Variants in PREX1 observed in about 807,000 individuals in gnomAD.
PREX1 encodes phosphatidylinositol-3,4,5-trisphosphate dependent Rac exchange factor 1.
A neutral mutation model predicts 198.3 loss-of-function variants in PREX1; 41 were observed. The ratio of observed to expected loss-of-function variants is 0.21; its 90% CI spans 0.16 to 0.27. The LOEUF (loss-of-function observed/expected upper bound fraction) is 0.27, where lower values mean the gene tolerates loss of function less well. Ranked by LOEUF, PREX1 falls within the 10% of genes least tolerant of loss-of-function variation. PREX1 has a pLI of 1.00. For synonymous variants in PREX1, 843 were observed against 887.2 expected (o/e 0.95, Z 0.89); for missense variants, 1,620 against 2,200.7 (o/e 0.74, Z 5.28).
intron 5 of PREX1, among the ~76,000 whole-genome samples, chr20:48,713,747 T>A (rs1377418168): frequency 1.6e-4 from 16 of 100,366 alleles, no homozygotes; most frequent in Admixed American, 3.8e-4. Flanking sequence ...TTATCTCTTT[T>A]AAAAAAAAAA....
intron 15 of PREX1, among the ~76,000 whole-genome samples, chr20:48,661,638 T>A (rs1430353091): frequency 6.7e-6 from 1 of 149,908 alleles, no homozygotes; most frequent in Non-Finnish European, 1.5e-5. Context: ...CAATTGGTGA[T>A]CTGATCCCTG....
Position 48,624,961 on chromosome 20 carries a change from A to T in PREX1, c.*924T>A, listed in dbSNP as rs2089258954. On this transcript the variant is annotated 3_prime_UTR_variant, in exon 40 of 40. Transcript: ENST00000371941. ...AATGGAGGGTGGGGGAAGGAATCAC[A>T]GTCGATACCTCAAAACGACACCTTA... is the stretch of plus-strand genomic sequence containing the variant. 1 of 152,492 alleles carries T rather than the reference A, an allele frequency of 6.6e-6. No homozygotes were observed. Among genetic ancestry groups the T allele is most frequent in the South Asian group, 2.1e-4 (1 of 4,832 alleles). The allele number at this position is 152,492 out of a possible 1,614,324, so 9.4% of individuals were successfully genotyped here.
chr20:48,722,817 G>A (rs372191234), intron 5 of PREX1, among the ~76,000 whole-genome samples: 26 of 152,356 alleles, frequency 1.7e-4, no homozygotes, highest in African/African-American at 6.0e-4. Flanking sequence ...GCAGGGCCCA[G>A]CCCAAGTCTG....
rs563773370 is a variant in PREX1, at chr20:48,625,778, C to G, written c.*107G>C. ...GACGCTGGGCAGGTCCCGGAACGGGCGGCTGCGGAAGCCTTGGGCCATCCC... is the reference window on the plus strand; with the variant it reads ...GACGCTGGGCAGGTCCCGGAACGGGGGGCTGCGGAAGCCTTGGGCCATCCC... On this transcript the variant is annotated 3_prime_UTR_variant, in exon 40 of 40. Transcript: ENST00000371941. 1 of 1,298,404 alleles carries G rather than the reference C, an allele frequency of 7.7e-7. No individual in the cohort carries two copies. Among genetic ancestry groups the G allele is most frequent in the African/African-American group, 1.6e-5 (1 of 63,884 alleles). 80.4% of individuals were successfully genotyped at this position (1,298,404 alleles called of 1,614,324 possible). A position where few individuals can be genotyped will look rare whatever the true frequency, so the allele number is the denominator to read the frequency against.
chr20:48,634,168 A>ACAGACGGATGAT (rs138507906), intron 33 of PREX1, among the ~76,000 whole-genome samples: 2 of 107,800 alleles, frequency 1.9e-5, no homozygotes, highest in African/African-American at 6.1e-5. Flanking sequence ...GGATGGATGG[A>ACAGACGGATGAT]TGGATGCATG....
At chr20:48,877,101 C>T in the PREX1 span, among the ~76,000 whole-genome samples, 1 of 152,034 alleles carries the variant, frequency 6.6e-6, no homozygotes, top group African/African-American at 2.4e-5. Context: ...GAAACCCCCT[C>T]TCTACTAAAA....
chr20:48,843,918 G>A, the PREX1 span, among the ~76,000 whole-genome samples: 3 of 152,126 alleles, frequency 2.0e-5, no homozygotes, highest in South Asian at 6.2e-4. Flanking sequence ...GCCAAGGCAG[G>A]AAGATTGCTT....
chr20:48,642,282 T>A (rs1303009256), intron 28 of PREX1, 24 bp from the exon 29 acceptor site: 1 of 1,612,600 alleles, frequency 6.2e-7, no homozygotes, highest in Non-Finnish European at 8.5e-7. Flanking sequence ...AGCCTGGGGT[T>A]GGTTTGGGCC....
intron 1 of PREX1, among the ~76,000 whole-genome samples, chr20:48,778,394 T>G (rs2090273053): frequency 7.1e-6 from 1 of 141,768 alleles, no homozygotes; most frequent in Admixed American, 7.2e-5. Context: ...GCCAAAAGGA[T>G]GAAATCCCGT....
the PREX1 span, among the ~76,000 whole-genome samples, chr20:48,873,289 C>G: frequency 6.6e-6 from 1 of 152,106 alleles, no homozygotes; most frequent in Non-Finnish European, 1.5e-5. Flanking sequence ...GTCACATGGC[C>G]AAGACTAAAG....
chr20:48,686,978 C>T (rs1387427069), intron 10 of PREX1, among the ~76,000 whole-genome samples: 1 of 152,234 alleles, frequency 6.6e-6, no homozygotes, highest in Non-Finnish European at 1.5e-5. Flanking sequence ...CTGCTCCTGC[C>T]TCCCCGCCTC....
the PREX1 span, among the ~76,000 whole-genome samples, chr20:48,877,662 A>C: frequency 1.3e-5 from 2 of 152,262 alleles, no homozygotes; most frequent in Non-Finnish European, 2.9e-5. Context: ...TACATTAATA[A>C]ATACGAAAGA....
intron 37 of PREX1, among the ~76,000 whole-genome samples, chr20:48,628,705 T>C (rs1319487957): frequency 1.3e-5 from 2 of 152,182 alleles, no homozygotes; most frequent in Non-Finnish European, 2.9e-5. Context: ...TAGGCCCCAC[T>C]ACTGCACTGG....
chr20:48,708,905 T>G (rs1326171250), intron 5 of PREX1, among the ~76,000 whole-genome samples: 1 of 152,118 alleles, frequency 6.6e-6, no homozygotes. Context: ...GCCCCAACAC[T>G]GCTCCTCCCC....
chr20:48,833,560 G>C, the PREX1 span, among the ~76,000 whole-genome samples: 1 of 151,174 alleles, frequency 6.6e-6, no homozygotes, highest in Non-Finnish European at 1.5e-5. Flanking sequence ...TCCTGCCTCA[G>C]CCTCCCAAGT....
At chr20:48,816,220 G>C (rs1249419503) in intron 1 of PREX1, among the ~76,000 whole-genome samples, 2 of 152,126 alleles carry the variant, frequency 1.3e-5, no homozygotes, top group African/African-American at 4.8e-5. Context: ...GGGCCAGAGA[G>C]GGAGTAAATA....
intron 7 of PREX1, among the ~76,000 whole-genome samples, chr20:48,693,273 T>A (rs1236739336): frequency 6.6e-6 from 1 of 152,194 alleles, no homozygotes; most frequent in African/African-American, 2.4e-5. Context: ...AATTCTATCA[T>A]TCACCCACTC....
intron 7 of PREX1, among the ~76,000 whole-genome samples, chr20:48,698,774 A>G (rs946146620): frequency 6.6e-6 from 1 of 152,164 alleles, no homozygotes. Flanking sequence ...GTGCGACCAC[A>G]CCAGAGCCAA....
At chr20:48,850,262 G>A in the PREX1 span, among the ~76,000 whole-genome samples, 19 of 152,318 alleles carry the variant, frequency 1.2e-4, no homozygotes, top group East Asian at 3.1e-3. Context: ...GCAGAGTAGA[G>A]AGTGACCCGG....
Sources: allele counts gnomAD v4.1 joint callset (sites outside exome capture counted in the v4.1 genomes callset), GRCh38; gene constraint gnomAD v4.1.1; transcripts MANE v1.5; gene names NCBI Gene and HGNC (gene_info 2026-07-23, HGNC 2026-07-21).